The following DYNC1I1 variants were observed in gnomAD, a reference collection of about 807,000 sequenced individuals.
DYNC1I1 encodes the protein cytoplasmic dynein 1 intermediate chain 1.
DYNC1I1 carries 43 observed loss-of-function variants against 86.6 expected under a neutral mutation model. That is an observed-to-expected ratio of 0.50 (90% CI 0.39 to 0.64). The LOEUF is 0.64. Among genes scored for constraint, DYNC1I1 ranks in the 30% least tolerant of loss-of-function variants. DYNC1I1 has a pLI of 0.00. For missense variants in DYNC1I1, 604 were observed against 788.8 expected (o/e 0.77, Z 2.81); for synonymous variants, 262 against 283.7 (o/e 0.92, Z 0.77).
At chr7:95,843,759 A>G (rs1430852738) in intron 5 of DYNC1I1, among the ~76,000 whole-genome samples, 1 of 152,206 alleles carries the variant, frequency 6.6e-6, no homozygotes, top group African/African-American at 2.4e-5. Flanking sequence ...GTGCAACTCA[A>G]CTTGTCTTTT....
At chr7:95,864,175 A>G (rs1789960786) in intron 5 of DYNC1I1, among the ~76,000 whole-genome samples, 1 of 152,188 alleles carries the variant, frequency 6.6e-6, no homozygotes, top group African/African-American at 2.4e-5. Context: ...AAGCCATGCT[A>G]ACCTTATTGT....
At chr7:95,883,367 A>T (rs1310533204) in intron 6 of DYNC1I1, among the ~76,000 whole-genome samples, 2 of 152,118 alleles carry the variant, frequency 1.3e-5, no homozygotes, top group Non-Finnish European at 2.9e-5. Flanking sequence ...CAGCATTTTA[A>T]ATGAATTTAA....
chr7:96,020,703 C>T (rs1051579173), intron 10 of DYNC1I1, among the ~76,000 whole-genome samples: 5 of 152,186 alleles, frequency 3.3e-5, no homozygotes, highest in Admixed American at 2.0e-4. Flanking sequence ...GTTAGTTGTG[C>T]ACCCATATTC....
At chr7:95,970,360 C>A (rs187935082) in intron 6 of DYNC1I1, among the ~76,000 whole-genome samples, 1 of 152,228 alleles carries the variant, frequency 6.6e-6, no homozygotes, top group East Asian at 1.9e-4. Context: ...TAAACAAAAT[C>A]AGAATTTGAC....
chr7:95,896,671 GC>G (rs1241536264), intron 6 of DYNC1I1, among the ~76,000 whole-genome samples: 1 of 152,184 alleles, frequency 6.6e-6, no homozygotes, highest in Non-Finnish European at 1.5e-5. Flanking sequence ...CACAGGCAAG[GC>G]CAGTGAGAAA....
At chr7:96,031,577 A>G (rs1311332677) in intron 11 of DYNC1I1, among the ~76,000 whole-genome samples, 3 of 152,200 alleles carry the variant, frequency 2.0e-5, no homozygotes, top group Non-Finnish European at 2.9e-5. Flanking sequence ...GCAGATGAGT[A>G]GCTACATTAG....
At chr7:96,046,608 C>T (rs768159628) in intron 14 of DYNC1I1, among the ~76,000 whole-genome samples, 6 of 152,150 alleles carry the variant, frequency 3.9e-5, no homozygotes, top group Non-Finnish European at 7.3e-5. Context: ...TCCACACCAT[C>T]GTGTTAAGCC....
chr7:95,809,462 G>C (rs1295563947), intron 2 of DYNC1I1, among the ~76,000 whole-genome samples: 1 of 152,146 alleles, frequency 6.6e-6, no homozygotes, highest in Non-Finnish European at 1.5e-5. Flanking sequence ...ACAAAGCTTT[G>C]TTGTGAGGTA....
intron 9 of DYNC1I1, among the ~76,000 whole-genome samples, chr7:95,991,293 C>T (rs1308610637): frequency 6.6e-6 from 1 of 152,128 alleles, no homozygotes; most frequent in Non-Finnish European, 1.5e-5. Flanking sequence ...TAGCCTGCCT[C>T]CTAGCCACAT....
At chr7:96,099,943 A>G (rs903824762), downstream of DYNC1I1, among the ~76,000 whole-genome samples, 1 of 152,282 alleles carries the variant, frequency 6.6e-6, no homozygotes, top group South Asian at 2.1e-4. Context: ...GAAGCTGACC[A>G]TGGAGTGGTC....
At chr7:96,020,213 T>C (rs968970510) in intron 10 of DYNC1I1, among the ~76,000 whole-genome samples, 3 of 151,956 alleles carry the variant, frequency 2.0e-5, no homozygotes, top group Non-Finnish European at 4.4e-5. Context: ...ATTAGTCTGT[T>C]TTCACACTGT....
At chr7:95,835,574 T>A (rs1789060265) in intron 5 of DYNC1I1, among the ~76,000 whole-genome samples, 1 of 151,596 alleles carries the variant, frequency 6.6e-6, no homozygotes, top group Admixed American at 6.6e-5. Flanking sequence ...CAGTGGGGTG[T>A]TAAAGTCTCC....
intron 10 of DYNC1I1, among the ~76,000 whole-genome samples, chr7:96,009,705 CA>C (rs1794226557): frequency 1.3e-5 from 2 of 152,250 alleles, no homozygotes; most frequent in South Asian, 4.1e-4. Flanking sequence ...TACTTAAACT[CA>C]AACCTGACCA....
At chr7:96,036,032 G>A (rs113131016) in intron 13 of DYNC1I1, among the ~76,000 whole-genome samples, 34 of 152,032 alleles carry the variant, frequency 2.2e-4, no homozygotes, top group African/African-American at 8.0e-4. Context: ...ATACCTTCAG[G>A]GTCTAGCCAT....
At chr7:95,919,556 A>C (rs908045050) in intron 6 of DYNC1I1, among the ~76,000 whole-genome samples, 2 of 152,240 alleles carry the variant, frequency 1.3e-5, no homozygotes, top group African/African-American at 4.8e-5. Context: ...AAAAGCTGCA[A>C]CAATTCATAG....
chr7:95,902,051 G>A (rs1791049919), intron 6 of DYNC1I1, among the ~76,000 whole-genome samples: 1 of 152,168 alleles, frequency 6.6e-6, no homozygotes, highest in African/African-American at 2.4e-5. Context: ...TATAAGCAGT[G>A]CAATCTTTGT....
At chr7:96,010,971 G>A (rs1304787065) in intron 10 of DYNC1I1, among the ~76,000 whole-genome samples, 1 of 152,156 alleles carries the variant, frequency 6.6e-6, no homozygotes, top group Non-Finnish European at 1.5e-5. Context: ...AAGGGGAGTG[G>A]AAAACTGAGT....
chr7:96,019,342 TAACC>T (rs1794483273), intron 10 of DYNC1I1, among the ~76,000 whole-genome samples: 1 of 152,054 alleles, frequency 6.6e-6, no homozygotes, highest in African/African-American at 2.4e-5. Flanking sequence ...CAGCCTCTGG[TAACC>T]AATGTGGGTT....
intron 4 of DYNC1I1, among the ~76,000 whole-genome samples, chr7:95,824,342 T>G (rs889863567): frequency 6.6e-6 from 1 of 152,070 alleles, no homozygotes; most frequent in African/African-American, 2.4e-5. Flanking sequence ...TCCTTGAACA[T>G]TTTTTCAACC....
Sources: gnomAD v4.1 joint callset for allele counts (sites outside exome capture counted in the v4.1 genomes callset) on GRCh38, gnomAD v4.1.1 for gene constraint, MANE v1.5 for transcripts, NCBI Gene and HGNC (gene_info 2026-07-23, HGNC 2026-07-21) for gene names.